NRXN1: variants seen among roughly 807,000 people sequenced by gnomAD.
NRXN1 encodes neurexin 1.
NRXN1 carries 39 observed loss-of-function variants against 150.9 expected under a neutral mutation model. The observed-to-expected ratio is 0.26, with a 90% CI of 0.20 to 0.34. The LOEUF (loss-of-function observed/expected upper bound fraction) is 0.34. Among genes scored for constraint, NRXN1 ranks in the 10% least tolerant of loss-of-function variants. The probability of loss-of-function intolerance (pLI) is 1.00; values close to 1 mark genes in which losing one functional copy is unlikely to be tolerated. For missense variants in NRXN1, 1,815 were observed against 1,949.9 expected (o/e 0.93, Z 1.30); for synonymous variants, 924 against 757.0 (o/e 1.22, Z -3.62).
At chr2:50,250,416 T>C (rs2066925764) in intron 17 of NRXN1, among the ~76,000 whole-genome samples, 1 of 146,378 alleles carries the variant, frequency 6.8e-6, no homozygotes, top group South Asian at 2.2e-4. Flanking sequence ...CTTATATAAA[T>C]GGAAAGTCAC....
chr2:50,308,468 C>T (rs369488160), intron 17 of NRXN1, among the ~76,000 whole-genome samples: 44 of 152,254 alleles, frequency 2.9e-4, no homozygotes, highest in African/African-American at 1.0e-3. Flanking sequence ...ACTAGGACTA[C>T]AGGCACATGC....
intron 13 of NRXN1, among the ~76,000 whole-genome samples, chr2:50,498,831 C>A (rs1452860394): frequency 6.6e-6 from 1 of 152,188 alleles, no homozygotes; most frequent in Admixed American, 6.5e-5. Flanking sequence ...TAAAAATGCT[C>A]ATTTATTTTG....
At chr2:50,848,525 G>C (rs1346897413) in intron 5 of NRXN1, among the ~76,000 whole-genome samples, 1 of 152,090 alleles carries the variant, frequency 6.6e-6, no homozygotes, top group African/African-American at 2.4e-5. Context: ...TTCAGAGGCG[G>C]GAGAGAAGTT....
At chr2:50,006,695 T>C (rs565370617) in intron 21 of NRXN1, among the ~76,000 whole-genome samples, 2 of 152,326 alleles carry the variant, frequency 1.3e-5, no homozygotes, top group African/African-American at 4.8e-5. Flanking sequence ...AATGTAATTT[T>C]AGATTTTTTT....
chr2:50,019,382 C>T (rs1364807504), intron 21 of NRXN1: 2 of 450,302 alleles, frequency 4.4e-6, no homozygotes, highest in Non-Finnish European at 9.2e-6. Context: ...CGGTGGCTCA[C>T]GCCTGTAATC....
At chr2:50,780,953 G>T (rs1398194217) in intron 5 of NRXN1, among the ~76,000 whole-genome samples, 1 of 152,128 alleles carries the variant, frequency 6.6e-6, no homozygotes, top group Non-Finnish European at 1.5e-5. Flanking sequence ...TAGTGCCATA[G>T]ACTATAAAGG....
At chr2:51,030,879 C>CTT (rs61452371) in intron 1 of NRXN1, among the ~76,000 whole-genome samples, 6 of 147,100 alleles carry the variant, frequency 4.1e-5, no homozygotes, top group South Asian at 2.2e-4. Context: ...GTTAGAAAAC[C>CTT]TTTTTTTTTT....
intron 17 of NRXN1, among the ~76,000 whole-genome samples, chr2:50,388,091 C>A (rs903823978): frequency 4.6e-5 from 7 of 152,126 alleles, no homozygotes; most frequent in Non-Finnish European, 8.8e-5. Context: ...ATTTAAGGTA[C>A]ATGCTGAGTA....
rs201029409 is a variant in NRXN1, at chr2:50,538,553, G to A, written c.1843C>T (p.Leu615=). ...EILDLDDELY[L]GGLPENKAGL... Reference sequence around the variant, plus strand: ...GCTTTATTTTCTGGCAGCCCCCCCAGGTACAACTCATCATCCAGGTCCAGA... The same window carrying A: ...GCTTTATTTTCTGGCAGCCCCCCCAAGTACAACTCATCATCCAGGTCCAGA... The change falls in exon 10 of 23, where the codon CTG becomes TTG. Residue 615 remains leucine, a synonymous_variant. Transcript: ENST00000401669. 8.4e-5 allele frequency: 133 copies of A among 1,577,542 alleles called. 1 individual carries two copies. The South Asian group carries it at 1.5e-3, about 17-fold the overall frequency.
chr2:50,697,653 G>C (rs1693120420), intron 5 of NRXN1, among the ~76,000 whole-genome samples: 1 of 152,094 alleles, frequency 6.6e-6, no homozygotes, highest in Non-Finnish European at 1.5e-5. Context: ...CAACTATGGT[G>C]ATGTTTTGAA....
chr2:50,373,332 T>TATTATTATTA (rs1558619077), intron 17 of NRXN1, among the ~76,000 whole-genome samples: 3 of 147,144 alleles, frequency 2.0e-5, no homozygotes, highest in Admixed American at 1.4e-4. Flanking sequence ...TTATTATTAT[T>TATTATTATTA]TTGCCTCAGA....
At chr2:50,238,081 T>G (rs890001125) in intron 17 of NRXN1, among the ~76,000 whole-genome samples, 1 of 152,072 alleles carries the variant, frequency 6.6e-6, no homozygotes, top group Non-Finnish European at 1.5e-5. Context: ...CAATTAAACC[T>G]CTTTTCTTTA....
chr2:50,776,681 C>T (rs1016673545), intron 5 of NRXN1, among the ~76,000 whole-genome samples: 7 of 150,310 alleles, frequency 4.7e-5, no homozygotes, highest in African/African-American at 1.7e-4. Flanking sequence ...CACACACATA[C>T]ATACTTATGC....
intron 21 of NRXN1, among the ~76,000 whole-genome samples, chr2:49,999,084 G>A (rs1683482788): frequency 6.6e-6 from 1 of 152,104 alleles, no homozygotes; most frequent in Non-Finnish European, 1.5e-5. Context: ...CTCTGGAATG[G>A]GAACTAAAAA....
At chr2:50,489,481 C>A (rs747649741) in intron 15 of NRXN1, among the ~76,000 whole-genome samples, 2 of 149,866 alleles carry the variant, frequency 1.3e-5, no homozygotes, top group Non-Finnish European at 2.9e-5. Flanking sequence ...ATATGAGCAA[C>A]GCAACTTCTA....
chr2:50,834,836 A>C (rs1671890389), intron 5 of NRXN1, among the ~76,000 whole-genome samples: 2 of 152,132 alleles, frequency 1.3e-5, no homozygotes, highest in South Asian at 4.1e-4. Flanking sequence ...GTGCTGAGGC[A>C]GATGGTCCTT....
At chr2:50,158,754 C>A (rs886757273) in intron 18 of NRXN1, among the ~76,000 whole-genome samples, 1 of 152,082 alleles carries the variant, frequency 6.6e-6, no homozygotes, top group East Asian at 1.9e-4. Flanking sequence ...CTGGTGAAGA[C>A]ATTGGTCTCC....
At chr2:50,302,973 G>T (rs1288394559) in intron 17 of NRXN1, among the ~76,000 whole-genome samples, 1 of 151,858 alleles carries the variant, frequency 6.6e-6, no homozygotes, top group Non-Finnish European at 1.5e-5. Context: ...ATCCATCAAC[G>T]CATACATAGA....
At chr2:50,907,940 G>A (rs1280657902) in intron 5 of NRXN1, among the ~76,000 whole-genome samples, 1 of 152,062 alleles carries the variant, frequency 6.6e-6, no homozygotes, top group Non-Finnish European at 1.5e-5. Flanking sequence ...ACACTACAAT[G>A]TCACTCTAGC....
Sources: allele counts gnomAD v4.1 joint callset (sites outside exome capture counted in the v4.1 genomes callset), GRCh38; gene constraint gnomAD v4.1.1; transcripts MANE v1.5; gene names NCBI Gene and HGNC (gene_info 2026-07-23, HGNC 2026-07-21).